Variants in SLC66A2 observed in about 807,000 individuals in gnomAD.
SLC66A2 encodes the protein PQ loop repeat containing 1.
SLC66A2 carries 23 observed loss-of-function variants against 25.5 expected under a neutral mutation model. The observed-to-expected ratio is 0.90, with a 90% CI of 0.65 to 1.28. The LOEUF is 1.28. Ranked by LOEUF, SLC66A2 falls within the 50% of genes most tolerant of loss-of-function variation. The probability of loss-of-function intolerance (pLI) is 0.00; values close to 1 mark genes in which losing one functional copy is unlikely to be tolerated. For missense variants in SLC66A2, 396 were observed against 373.1 expected (o/e 1.06, Z -0.51); for synonymous variants, 193 against 166.5 (o/e 1.16, Z -1.23).
chr18:79,905,401 G>A (rs1981955931), intron 5 of SLC66A2, among the ~76,000 whole-genome samples: 1 of 152,228 alleles, frequency 6.6e-6, no homozygotes, highest in African/African-American at 2.4e-5. Flanking sequence ...ACCGGGGGAA[G>A]GTGGTGCAGG....
At chr18:79,926,018 C>T (rs557143655) in intron 4 of SLC66A2, among the ~76,000 whole-genome samples, 256 of 152,298 alleles carry the variant, frequency 1.7e-3, no homozygotes, top group African/African-American at 5.5e-3. Flanking sequence ...AAAACCAAGA[C>T]GGCCACAAGA....
intron 5 of SLC66A2, among the ~76,000 whole-genome samples, chr18:79,914,214 GT>G (rs1216061510): frequency 6.6e-6 from 1 of 152,158 alleles, no homozygotes; most frequent in African/African-American, 2.4e-5. Context: ...CAAAGTCTTG[GT>G]TTTTTGGGTA....
At chr18:79,905,136 C>G (rs922299530) in intron 5 of SLC66A2, among the ~76,000 whole-genome samples, 1 of 152,234 alleles carries the variant, frequency 6.6e-6, no homozygotes, top group East Asian at 1.9e-4. Context: ...GCCCACAGTG[C>G]TCGGCTCTAG....
chr18:79,944,731 G>A (rs911696264), intron 2 of SLC66A2: 8 of 152,448 alleles, frequency 5.2e-5, no homozygotes, highest in Admixed American at 5.2e-4. Context: ...TCAAAGTCAG[G>A]AGATCCTACA....
In SLC66A2 at chr18:79,918,599, T is replaced by C. The variant is rs567233451; in HGVS notation, c.608+585A>G. ...ACAATGCAGTTTCCATCCAGGACCT[T>C]GACTGAGCCCGTGGGCATCATGCTG... On this transcript the variant is annotated intron_variant, in intron 5 of 5. Coordinates refer to ENST00000397778, the MANE Select transcript of SLC66A2 (RefSeq NM_025078.5). The surrounding 1 kb of genome is among the most constrained non-coding windows in gnomAD (Gnocchi z 4.0). Among the ~76,000 whole-genome samples, 1 of 152,348 alleles carries C rather than the reference T, an allele frequency of 6.6e-6. No homozygotes were observed. Among genetic ancestry groups the C allele is most frequent in the South Asian group, 2.1e-4 (1 of 4,828 alleles).
At chr18:79,924,887 C>T (rs1754376838) in intron 4 of SLC66A2, 1 of 152,226 alleles carries the variant, frequency 6.6e-6, no homozygotes. Context: ...GCTGTCAGCT[C>T]ACATGTGCTG....
Position 79,903,022 on chromosome 18 carries a change from G to A in SLC66A2, c.*954C>T, listed in dbSNP as rs1282884781. 1.3e-5 allele frequency: 2 copies of A among 152,510 alleles called. No individual in the cohort carries two copies. Among genetic ancestry groups the A allele is most frequent in the Non-Finnish European group, 1.5e-5 (1 of 68,394 alleles). The allele number at this position is 152,510 out of a possible 1,614,324, so 9.4% of individuals were successfully genotyped here. A position where few individuals can be genotyped will look rare whatever the true frequency, so the allele number is the denominator to read the frequency against. Reference sequence around the variant, plus strand: ...CAGCAGGGTAAGGCGCCATCGGCCAGGACCTGCACGGCAGGGGCAGCCCCC... The same window carrying A: ...CAGCAGGGTAAGGCGCCATCGGCCAAGACCTGCACGGCAGGGGCAGCCCCC... On this transcript the variant is annotated 3_prime_UTR_variant, in exon 6 of 6. Transcript: ENST00000397778.
chr18:79,918,960 G>A lies in SLC66A2; in HGVS notation c.608+224C>T, dbSNP rs1300102811. 1.3e-5 allele frequency among the ~76,000 whole-genome samples: 2 copies of A among 152,242 alleles called. No homozygotes were observed. The highest frequency in any genetic ancestry group is 6.5e-5 in the Admixed American group (1 of 15,288). On this transcript the variant is annotated intron_variant, in intron 5 of 5. Coordinates refer to ENST00000397778, the MANE Select transcript of SLC66A2 (RefSeq NM_025078.5). The surrounding 1 kb of genome is among the most constrained non-coding windows in gnomAD (Gnocchi z 4.0). Reference sequence around the variant, plus strand: ...CCCTGAAGGAGCAGCTCCCAACCCCGTGCTGGGTCTCGGCTGCCCCTCATG... The same window carrying A: ...CCCTGAAGGAGCAGCTCCCAACCCCATGCTGGGTCTCGGCTGCCCCTCATG...
Position 79,903,838 on chromosome 18 carries a change from G to C in SLC66A2, c.*138C>G. ...ACTGCCCACCCTGAGACACCCCACA[G>C]AGGCTGATGGAGACCCCAATGCCCA... On this transcript the variant is annotated 3_prime_UTR_variant, in exon 6 of 6. Coordinates refer to ENST00000397778, the MANE Select transcript of SLC66A2 (RefSeq NM_025078.5). The C allele has an allele frequency of 1.8e-5, 12 of 661,620 alleles. No homozygotes were observed. The highest frequency in any genetic ancestry group is 3.0e-5 in the East Asian group (1 of 32,892). 41.0% of individuals were successfully genotyped at this position (661,620 alleles called of 1,614,324 possible).
intron 2 of SLC66A2, among the ~76,000 whole-genome samples, chr18:79,946,954 C>A (rs1407036195): frequency 6.6e-6 from 1 of 152,030 alleles, no homozygotes; most frequent in African/African-American, 2.4e-5. Flanking sequence ...AAGAGCGAGA[C>A]TCTTGTCTAA....
chr18:79,927,148 AC>A lies in SLC66A2; in HGVS notation c.391+6820del, dbSNP rs1328229248. 6.6e-6 allele frequency among the ~76,000 whole-genome samples: 1 copy of A among 151,536 alleles called. No individual in the cohort carries two copies. Among genetic ancestry groups the A allele is most frequent in the Non-Finnish European group, 1.5e-5 (1 of 67,896 alleles). On this transcript the variant is annotated intron_variant, in intron 4 of 5. Coordinates refer to ENST00000397778, the MANE Select transcript of SLC66A2 (RefSeq NM_025078.5). The surrounding 1 kb of genome is among the most constrained non-coding windows in gnomAD (Gnocchi z 6.2). ...CCTGCTGCGTCTGCTTCTCCACCCC[AC>A]TCCAGCTGAGCAGGCAGAGCCTGTC...
At chr18:79,914,632 C>G (rs959126604) in intron 5 of SLC66A2, among the ~76,000 whole-genome samples, 1 of 152,206 alleles carries the variant, frequency 6.6e-6, no homozygotes, top group African/African-American at 2.4e-5. Context: ...GCTGAAGATC[C>G]ACGGAGCGGT....
At position 79,919,314 on chromosome 18, in the gene SLC66A2, T is replaced by G. The variant is rs1302961436; in HGVS notation, c.478A>C (p.Ile160Leu). 1 of 1,613,232 alleles carries G rather than the reference T, an allele frequency of 6.2e-7. No homozygotes were observed. The highest frequency in any genetic ancestry group is 1.1e-5 in the South Asian group (1 of 91,088). ...VLAFTGVAGY[I>L]TYLSIDSALF... The stretch of plus-strand genomic sequence containing the variant: ...GCGGAGTCAATGGACAGGTAGGTGA[T>G]GTAGCCCGCCACGCCCGTGAAGGCC... The change falls in exon 5 of 6, where the codon ATC (isoleucine) becomes CTC (leucine). Residue 160 changes from isoleucine (I) to leucine (L), a missense_variant. Transcript: ENST00000397778.
At chr18:79,912,461 G>A (rs929623504) in intron 5 of SLC66A2, among the ~76,000 whole-genome samples, 1 of 152,172 alleles carries the variant, frequency 6.6e-6, no homozygotes, top group East Asian at 1.9e-4. Flanking sequence ...CTGAGAATAC[G>A]AAGTGCAGGG....
chr18:79,911,433 G>C (rs1162007428), intron 5 of SLC66A2, among the ~76,000 whole-genome samples: 1 of 152,258 alleles, frequency 6.6e-6, no homozygotes, highest in Admixed American at 6.5e-5. Flanking sequence ...CACAGCCCTG[G>C]TCAGACGGGG....
intron 5 of SLC66A2, among the ~76,000 whole-genome samples, chr18:79,906,610 T>TA (rs913993164): frequency 6.6e-6 from 1 of 152,248 alleles, no homozygotes; most frequent in African/African-American, 2.4e-5. Context: ...AGTTCTTTTT[T>TA]AAAAAAATTC....
intron 4 of SLC66A2, among the ~76,000 whole-genome samples, chr18:79,928,531 G>A (rs1406378760): frequency 6.6e-6 from 1 of 152,166 alleles, no homozygotes; most frequent in African/African-American, 2.4e-5. Context: ...ATTACAAACA[G>A]CACCCACTTA....
chr18:79,943,089 G>A (rs1987830955), intron 3 of SLC66A2, among the ~76,000 whole-genome samples: 1 of 152,216 alleles, frequency 6.6e-6, no homozygotes, highest in Admixed American at 6.5e-5. Flanking sequence ...GAACCGTGAA[G>A]ATGTGTTGAG....
In SLC66A2 at chr18:79,904,025, T is replaced by A. The variant is rs752081888; in HGVS notation, c.767A>T (p.Gln256Leu). Residue 256 changes from glutamine to leucine, a missense_variant, in exon 6 of 6, where the codon CAG (glutamine) becomes CTG (leucine). Coordinates refer to ENST00000397778, the MANE Select transcript of SLC66A2 (RefSeq NM_025078.5). The surrounding 1 kb of genome is among the most constrained non-coding windows in gnomAD (Gnocchi z 6.3). The stretch of plus-strand genomic sequence containing the variant: ...GTGCACGGCGTGGGGCGCCGGCTTC[T>A]GGGGGTGGCGGGCGAAGGCGTAGGC... ...GQAYAFARHP[Q>L]KPAPHAVHPT... 1.9e-6 allele frequency: 3 copies of A among 1,607,434 alleles called. No homozygotes were observed. Among genetic ancestry groups the A allele is most frequent in the Admixed American group, 1.7e-5 (1 of 58,984 alleles).
Sources: gnomAD v4.1 joint callset for allele counts (sites outside exome capture counted in the v4.1 genomes callset) on GRCh38, gnomAD v4.1.1 for gene constraint, Gnocchi (gnomAD v3.1) non-coding constraint, MANE v1.5 for transcripts, NCBI Gene and HGNC (gene_info 2026-07-23, HGNC 2026-07-21) for gene names.